Variants in UNC5D observed in about 807,000 individuals in gnomAD.
UNC5D encodes unc-5 netrin receptor D.
A neutral mutation model predicts 105.4 loss-of-function variants in UNC5D; 39 were observed. The ratio of observed to expected loss-of-function variants is 0.37; its 90% CI spans 0.29 to 0.48. The LOEUF is 0.48. Among genes scored for constraint, UNC5D ranks in the 20% least tolerant of loss-of-function variants. The pLI, the probability that UNC5D is intolerant of heterozygous loss-of-function variation, is 0.98. For synonymous variants in UNC5D, 452 were observed against 450.4 expected (o/e 1.00, Z -0.04); for missense variants, 991 against 1,202.4 (o/e 0.82, Z 2.60).
intron 2 of UNC5D, among the ~76,000 whole-genome samples, chr8:35,554,276 C>T (rs146914456): frequency 2.0e-5 from 3 of 152,320 alleles, no homozygotes; most frequent in Non-Finnish European, 2.9e-5. Context: ...GCTTGGAAAA[C>T]CCAGAGCTAG....
chr8:35,731,423 AAAAAAAG>A lies in UNC5D; in HGVS notation c.1766+328_1766+334del, dbSNP rs1329560207. On this transcript the variant is annotated intron_variant, in intron 11 of 16. Transcript: ENST00000404895. Reference sequence around the variant, plus strand: ...CCAAAAAAAAAAAAAAAAAAAAAAAAAAAAAAGGGCATTTTAAATATGGACTGGAACT... The same window carrying A: ...CCAAAAAAAAAAAAAAAAAAAAAAAAGGCATTTTAAATATGGACTGGAACT... 2.0e-5 allele frequency among the ~76,000 whole-genome samples: 3 copies of A among 147,708 alleles called. 1 individual carries two copies. The highest frequency in any genetic ancestry group is 7.7e-5 in the African/African-American group (3 of 39,146).
intron 1 of UNC5D, among the ~76,000 whole-genome samples, chr8:35,309,158 C>T (rs1563301197): frequency 6.6e-6 from 1 of 152,124 alleles, no homozygotes; most frequent in African/African-American, 2.4e-5. Flanking sequence ...GAAATGCCCC[C>T]ACATTTTTTT....
At chr8:35,528,486 G>T (rs1814065960) in intron 1 of UNC5D, among the ~76,000 whole-genome samples, 1 of 146,612 alleles carries the variant, frequency 6.8e-6, no homozygotes, top group African/African-American at 2.5e-5. Context: ...TTGCTATTGT[G>T]AATAATGCCG....
intron 1 of UNC5D, among the ~76,000 whole-genome samples, chr8:35,400,919 G>A (rs1381509311): frequency 6.6e-6 from 1 of 152,108 alleles, no homozygotes; most frequent in Non-Finnish European, 1.5e-5. Context: ...GTATATAACT[G>A]ATATATAATG....
chr8:35,773,772 G>A (rs903520797), intron 15 of UNC5D, among the ~76,000 whole-genome samples: 1 of 152,214 alleles, frequency 6.6e-6, no homozygotes, highest in Admixed American at 6.5e-5. Context: ...GCCCAGGCTA[G>A]AGTGCAATGG....
intron 3 of UNC5D, among the ~76,000 whole-genome samples, chr8:35,574,221 GCC>G (rs10578539): frequency 0.17 from 25,836 of 151,986 alleles, 2,369 homozygotes; most frequent in East Asian, 0.27. Flanking sequence ...CTAACCCTTG[GCC>G]GGGCAAACTT....
At chr8:35,544,397 T>G in intron 1 of UNC5D, 1 of 1,608,108 alleles carries the variant, frequency 6.2e-7, no homozygotes, top group Non-Finnish European at 8.5e-7. Context: ...TAGCGTTAAA[T>G]AAGTAGGGAT....
At position 35,777,570 on chromosome 8, in the gene UNC5D, T is replaced by C. The variant is rs143775891; in HGVS notation, c.2657+3093T>C. Among the ~76,000 whole-genome samples, 378 of 152,308 alleles carry C rather than the reference T, an allele frequency of 2.5e-3. 7 individuals carry two copies. Among genetic ancestry groups the C allele is most frequent in the African/African-American group, 8.8e-3 (366 of 41,570 alleles). On this transcript the variant is annotated intron_variant, in intron 16 of 16. Transcript: ENST00000404895. ...AAACTAAGAGCCAGCAAACTTATTTTTTCTGTAAAGGACCAGACAGGAAAG... is the reference window on the plus strand; with the variant it reads ...AAACTAAGAGCCAGCAAACTTATTTCTTCTGTAAAGGACCAGACAGGAAAG...
At chr8:35,380,114 AGAGAGAGAGACACC>A (rs1332943405) in intron 1 of UNC5D, among the ~76,000 whole-genome samples, 3 of 128,882 alleles carry the variant, frequency 2.3e-5, no homozygotes, top group Non-Finnish European at 4.9e-5. Context: ...AGAGAGAGAG[AGAGAGAGAGACACC>A]GAGAGAGAGA....
chr8:35,475,917 C>T (rs1810059481), intron 1 of UNC5D, among the ~76,000 whole-genome samples: 1 of 152,078 alleles, frequency 6.6e-6, no homozygotes, highest in Non-Finnish European at 1.5e-5. Context: ...ATGCTAGTGC[C>T]ATCATTTTCA....
At chr8:35,395,502 T>C (rs893896344) in intron 1 of UNC5D, among the ~76,000 whole-genome samples, 9 of 152,230 alleles carry the variant, frequency 5.9e-5, no homozygotes, top group African/African-American at 1.9e-4. Context: ...GATTTTCTTT[T>C]GTCTATATTG....
In UNC5D at chr8:35,445,676, A is replaced by T. The variant is rs1807731701; in HGVS notation, c.104-103616A>T. 2.0e-5 allele frequency among the ~76,000 whole-genome samples: 3 copies of T among 152,088 alleles called. No homozygotes were observed. The South Asian group carries it at 6.2e-4, about 32-fold the overall frequency. On this transcript the variant is annotated intron_variant, in intron 1 of 16. Transcript: ENST00000404895. Reference sequence around the variant, plus strand: ...TCTATAACCCAGTAGTCTAAAGTGTAGTCCCTCCAGTATGGGAACATCAAC... The same window carrying T: ...TCTATAACCCAGTAGTCTAAAGTGTTGTCCCTCCAGTATGGGAACATCAAC...
intron 1 of UNC5D, among the ~76,000 whole-genome samples, chr8:35,436,530 C>T (rs16883922): frequency 0.024 from 3,657 of 151,982 alleles, 150 homozygotes; most frequent in African/African-American, 0.085. Flanking sequence ...TTGAGTATAC[C>T]AAAAACTGTG....
intron 1 of UNC5D, among the ~76,000 whole-genome samples, chr8:35,362,490 G>A (rs17342026): frequency 0.012 from 1,886 of 152,208 alleles, 29 homozygotes; most frequent in Non-Finnish European, 0.021. Flanking sequence ...CTCACCAGGG[G>A]CAATGAAGAC....
chr8:35,521,218 G>T (rs1040026646), intron 1 of UNC5D, among the ~76,000 whole-genome samples: 1 of 152,004 alleles, frequency 6.6e-6, no homozygotes, highest in Non-Finnish European at 1.5e-5. Flanking sequence ...AAGGGAGGAG[G>T]CAGAGGAGGA....
At chr8:35,333,590 C>G (rs575313298) in intron 1 of UNC5D, among the ~76,000 whole-genome samples, 1 of 152,178 alleles carries the variant, frequency 6.6e-6, no homozygotes, top group African/African-American at 2.4e-5. Context: ...AGTGATTCTC[C>G]TGCCTCAGCC....
chr8:35,509,778 G>T (rs1278262470), intron 1 of UNC5D, among the ~76,000 whole-genome samples: 1 of 151,954 alleles, frequency 6.6e-6, no homozygotes, highest in Non-Finnish European at 1.5e-5. Context: ...GATCCCACAG[G>T]TTGAAGGCTT....
chr8:35,464,864 C>T (rs907353665), intron 1 of UNC5D, among the ~76,000 whole-genome samples: 1 of 152,106 alleles, frequency 6.6e-6, no homozygotes, highest in African/African-American at 2.4e-5. Context: ...TTTTGAAATC[C>T]TCTTCTTCCC....
At chr8:35,625,648 G>A (rs1821660190) in intron 4 of UNC5D, among the ~76,000 whole-genome samples, 1 of 152,178 alleles carries the variant, frequency 6.6e-6, no homozygotes, top group African/African-American at 2.4e-5. Flanking sequence ...ATTGTACCTT[G>A]TTTCCCATTA....
Sources: allele counts gnomAD v4.1 joint callset (sites outside exome capture counted in the v4.1 genomes callset), GRCh38; gene constraint gnomAD v4.1.1; transcripts MANE v1.5; gene names NCBI Gene and HGNC (gene_info 2026-07-23, HGNC 2026-07-21).